CPB2: variants seen among roughly 807,000 people sequenced by gnomAD.
CPB2 encodes carboxypeptidase B-like protein.
CPB2 carries 54 observed loss-of-function variants against 57.0 expected under a neutral mutation model. That is an observed-to-expected ratio of 0.95 (90% CI 0.76 to 1.19). The LOEUF is 1.19. Among genes scored for constraint, CPB2 ranks in the 50% most tolerant of loss-of-function variants. The pLI is 0.00. For missense variants in CPB2, 426 were observed against 512.0 expected (o/e 0.83, Z 1.62); for synonymous variants, 189 against 178.1 (o/e 1.06, Z -0.49).
intron 1 of CPB2, among the ~76,000 whole-genome samples, chr13:46,095,999 G>A (rs890687777): frequency 2.0e-5 from 3 of 149,352 alleles, no homozygotes; most frequent in African/African-American, 7.4e-5. Context: ...TCCTGCCTCA[G>A]CCTCTCGAGT....
intron 3 of CPB2, 105 bp downstream of exon 3, chr13:46,084,114 T>C: frequency 7.4e-7 from 1 of 1,350,844 alleles, no homozygotes; most frequent in Non-Finnish European, 1.0e-6. Context: ...TATGCTGCCA[T>C]GGTTAATACA....
In CPB2 at chr13:46,053,595, A is replaced by T. The variant is rs2044617813; in HGVS notation, c.*19T>A. On this transcript the variant is annotated 3_prime_UTR_variant, in exon 11 of 11. Coordinates refer to ENST00000181383, the MANE Select transcript of CPB2 (RefSeq NM_001872.5). ...TCAGTAAATTAAAATACGGAAGCAGAATGATAAAATCAGGGGCATTAAACA... is the reference window on the plus strand; with the variant it reads ...TCAGTAAATTAAAATACGGAAGCAGTATGATAAAATCAGGGGCATTAAACA... The T allele has an allele frequency of 6.2e-7, 1 of 1,600,956 alleles. No homozygotes were observed. The highest frequency in any genetic ancestry group is 8.5e-7 in the Non-Finnish European group (1 of 1,170,404).
intron 5 of CPB2, among the ~76,000 whole-genome samples, chr13:46,078,525 T>C (rs574292264): frequency 6.6e-6 from 1 of 152,068 alleles, no homozygotes; most frequent in South Asian, 2.1e-4. Context: ...TTTAAAGAGG[T>C]GATTAAGTTA....
At chr13:46,077,847 A>C (rs1414287134) in intron 5 of CPB2, among the ~76,000 whole-genome samples, 1 of 151,696 alleles carries the variant, frequency 6.6e-6, no homozygotes, top group Non-Finnish European at 1.5e-5. Flanking sequence ...GGGAAAGACA[A>C]ATACTACATG....
chr13:46,080,489 T>G (rs2045095835), intron 4 of CPB2, among the ~76,000 whole-genome samples: 1 of 152,190 alleles, frequency 6.6e-6, no homozygotes, highest in Admixed American at 6.5e-5. Context: ...TTTCTCCAAT[T>G]CATATGTTCA....
Position 46,105,011 on chromosome 13 carries a change from C to A in CPB2, c.-2G>T. 1 of 1,613,848 alleles carries A rather than the reference C, an allele frequency of 6.2e-7. No individual in the cohort carries two copies. The highest frequency in any genetic ancestry group is 8.5e-7 in the Non-Finnish European group (1 of 1,179,842). The stretch of plus-strand genomic sequence containing the variant: ...GACTGCAAGGCTGCAAAGCTTCATC[C>A]CAACAGCAATTTTCTGTACAACAAA... On this transcript the variant is annotated 5_prime_UTR_variant, in exon 1 of 11. Transcript: ENST00000181383.
At chr13:46,082,833 A>G (rs774997211) in intron 3 of CPB2, among the ~76,000 whole-genome samples, 56 of 152,208 alleles carry the variant, frequency 3.7e-4, no homozygotes, top group South Asian at 8.3e-4. Context: ...ACATTACTCA[A>G]TGGTGATTCT....
At chr13:46,069,560 C>A (rs546839675) in intron 6 of CPB2, among the ~76,000 whole-genome samples, 1 of 152,220 alleles carries the variant, frequency 6.6e-6, no homozygotes, top group South Asian at 2.1e-4. Context: ...TGTGGATTTG[C>A]CCATTCTGGA....
Position 46,056,540 on chromosome 13 carries a change from G to T in CPB2, c.1000-691C>A, listed in dbSNP as rs548262831. Among the ~76,000 whole-genome samples the T allele has an allele frequency of 2.0e-5, 3 of 152,204 alleles. No individual in the cohort carries two copies. In the South Asian group the frequency reaches 6.2e-4, roughly 32 times the overall value. ...GAAAAACTCAAGAGATTTATCAGCG[G>T]ATATTATTTTATGCCATCTCATTGT... On this transcript the variant is annotated intron_variant, in intron 9 of 10. Transcript: ENST00000181383.
chr13:46,078,037 A>C (rs995663788), intron 5 of CPB2, among the ~76,000 whole-genome samples: 5 of 152,174 alleles, frequency 3.3e-5, no homozygotes, highest in African/African-American at 1.2e-4. Flanking sequence ...ACAATATTTC[A>C]AAATAGCTAG....
intron 5 of CPB2, among the ~76,000 whole-genome samples, chr13:46,076,396 C>CA (rs35145884): frequency 0.45 from 64,967 of 144,868 alleles, 14,525 homozygotes; most frequent in East Asian, 0.57. Flanking sequence ...TTACAATGAC[C>CA]AAAAAAAAAA....
chr13:46,054,485 C>A (rs1015952107), intron 10 of CPB2, among the ~76,000 whole-genome samples: 1 of 152,090 alleles, frequency 6.6e-6, no homozygotes, highest in Non-Finnish European at 1.5e-5. Context: ...TGGTGAAAGA[C>A]ATGTTAATAA....
At position 46,073,961 on chromosome 13, in the gene CPB2, T is replaced by C; in HGVS notation, c.503A>G (p.Gln168Arg). The stretch of plus-strand genomic sequence containing the variant: ...AATCCATATGGCATTTTTGGCTGCT[T>C]GTTCTTTTCCAGAAACCTGCTCAAA... ...LYVLKVSGKEQAAKNAIWIDC... is the reference protein window; with the variant it reads ...LYVLKVSGKERAAKNAIWIDC... Residue 168 changes from glutamine (Q) to arginine (R), a missense_variant, in exon 6 of 11, where the codon CAA becomes CGA. Transcript: ENST00000181383. The C allele has an allele frequency of 1.3e-6, 2 of 1,582,550 alleles. No homozygotes were observed. Among genetic ancestry groups the C allele is most frequent in the African/African-American group, 1.3e-5 (1 of 74,652 alleles).
Position 46,082,524 on chromosome 13 carries a change from G to A in CPB2, c.301C>T (p.Leu101Phe). The change falls in exon 4 of 11, where the codon CTT becomes TTT. Residue 101 changes from leucine to phenylalanine, a missense_variant. By Grantham distance (22) the Leu-to-Phe change is conservative (BLOSUM62 0). Transcript: ENST00000181383. ...CSVLLADVED[L>F]IQQQISNDTV... is the part of the protein sequence containing the mutation. ...TCGTTGGAAATCTGCTGTTGAATAA[G>A]ATCTTCCACATCTGCCAGCAAGACA... 1.2e-6 allele frequency: 2 copies of A among 1,613,514 alleles called. No individual in the cohort carries two copies. Among genetic ancestry groups the A allele is most frequent in the Non-Finnish European group, 1.7e-6 (2 of 1,179,544 alleles).
intron 5 of CPB2, 68 bp downstream of exon 5, chr13:46,078,732 A>G: frequency 9.5e-7 from 1 of 1,057,922 alleles, no homozygotes; most frequent in Non-Finnish European, 1.4e-6. Flanking sequence ...TCAAGTTTTA[A>G]CAAACACGAC....
At chr13:46,104,373 G>T (rs994769002) in intron 1 of CPB2, among the ~76,000 whole-genome samples, 2 of 152,212 alleles carry the variant, frequency 1.3e-5, no homozygotes, top group Non-Finnish European at 2.9e-5. Context: ...GCTATAGCAT[G>T]AATTCATTTG....
intron 1 of CPB2, among the ~76,000 whole-genome samples, chr13:46,096,022 A>G (rs537642623): frequency 1.2e-3 from 180 of 151,818 alleles, no homozygotes; most frequent in Admixed American, 3.6e-3. Flanking sequence ...CTGGGATTAC[A>G]GGCACGCACC....
At chr13:46,074,872 C>A (rs371605245) in intron 5 of CPB2, among the ~76,000 whole-genome samples, 36 of 152,268 alleles carry the variant, frequency 2.4e-4, no homozygotes, top group African/African-American at 8.2e-4. Flanking sequence ...CCTTTGCATG[C>A]GCGGTTCACA....
chr13:46,074,081 T>G, intron 5 of CPB2, 104 bp from the exon 6 acceptor site: 4 of 568,070 alleles, frequency 7.0e-6, no homozygotes, highest in Non-Finnish European at 1.2e-5. Context: ...AGCAAATCTC[T>G]GAGATATGCA....
Sources: gnomAD v4.1 joint callset for allele counts (sites outside exome capture counted in the v4.1 genomes callset) on GRCh38, gnomAD v4.1.1 for gene constraint, MANE v1.5 for transcripts, NCBI Gene and HGNC (gene_info 2026-07-23, HGNC 2026-07-21) for gene names.